TMEM230: variants seen among roughly 807,000 people sequenced by gnomAD.
TMEM230 encodes the protein UPF0414 transmembrane protein C20orf30.
A neutral mutation model predicts 15.8 loss-of-function variants in TMEM230; 10 were observed. The observed-to-expected ratio is 0.63, with a 90% CI of 0.39 to 1.07. The LOEUF (loss-of-function observed/expected upper bound fraction) is 1.07. TMEM230 is among the 50% of genes least tolerant of loss of function. The pLI, the probability that TMEM230 is intolerant of heterozygous loss-of-function variation, is 0.01. For synonymous variants in TMEM230, 67 were observed against 76.9 expected (o/e 0.87, Z 0.68); for missense variants, 165 against 193.3 (o/e 0.85, Z 0.87).
chr20:5,077,308 AAAAACAAAAC>A (rs370223220), intron 3 of TMEM230, among the ~76,000 whole-genome samples: 1 of 152,084 alleles, frequency 6.6e-6, no homozygotes, highest in African/African-American at 2.4e-5. Context: ...ACCCTGTCTC[AAAAACAAAAC>A]AAAACAAAAC....
At chr20:5,106,059 C>T in intron 4 of TMEM230, 129 bp downstream of exon 3, 1 of 1,386,364 alleles carries the variant, frequency 7.2e-7, no homozygotes. Flanking sequence ...TCAAAAAAAA[C>T]AGACCACTGG....
intron 3 of TMEM230, among the ~76,000 whole-genome samples, chr20:5,092,658 T>A (rs905712233): frequency 6.9e-6 from 1 of 145,144 alleles, no homozygotes; most frequent in African/African-American, 2.6e-5. Flanking sequence ...GAGGTTGCAG[T>A]GAGCTGAGAT....
chr20:5,102,159 C>T (rs985624819), intron 4 of TMEM230, among the ~76,000 whole-genome samples: 3 of 152,126 alleles, frequency 2.0e-5, no homozygotes, highest in Non-Finnish European at 4.4e-5. Flanking sequence ...TTTACTGTTG[C>T]TCAAAGGAAG....
chr20:5,067,185 GA>G, downstream of TMEM230: 1 of 151,840 alleles, frequency 6.6e-6, no homozygotes, highest in Non-Finnish European at 1.5e-5. Context: ...GGTGAGGGGG[GA>G]AAACAGGTGG....
chr20:5,067,092 G>T (rs576746887), downstream of TMEM230: 2 of 152,134 alleles, frequency 1.3e-5, no homozygotes, highest in Non-Finnish European at 2.9e-5. Context: ...GTGCATTGAA[G>T]TGCAGATGAT....
chr20:5,079,526 C>G (rs2089114641), intron 3 of TMEM230, among the ~76,000 whole-genome samples: 4 of 152,128 alleles, frequency 2.6e-5, no homozygotes, highest in Admixed American at 2.6e-4. Context: ...CTTGCTCTGT[C>G]ACCGAGGCTG....
intron 1 of TMEM230, chr20:5,111,706 G>T: frequency 2.6e-6 from 2 of 780,834 alleles, no homozygotes; most frequent in Non-Finnish European, 3.1e-6. Context: ...TTTTCTCTGG[G>T]ATGGCATTTT....
intron 3 of TMEM230, among the ~76,000 whole-genome samples, chr20:5,082,239 TC>T (rs2089203119): frequency 2.2e-5 from 1 of 44,482 alleles, no homozygotes; most frequent in South Asian, 2.9e-3. Flanking sequence ...TCTCTTTCTC[TC>T]TCTCTCTCTC....
chr20:5,062,617 G>A, the TMEM230 span, among the ~76,000 whole-genome samples: 1 of 152,008 alleles, frequency 6.6e-6, no homozygotes, highest in East Asian at 1.9e-4. Context: ...CAAAAAATTA[G>A]CTGTGTGTGG....
intron 2 of TMEM230, among the ~76,000 whole-genome samples, chr20:5,110,185 T>C (rs2090256285): frequency 7.7e-6 from 1 of 129,930 alleles, no homozygotes; most frequent in Non-Finnish European, 1.8e-5. Flanking sequence ...GCCTCCCGAG[T>C]AGTTGGGATT....
intron 3 of TMEM230, among the ~76,000 whole-genome samples, chr20:5,072,000 C>T (rs934631106): frequency 3.9e-5 from 6 of 152,070 alleles, no homozygotes; most frequent in African/African-American, 1.2e-4. Flanking sequence ...ATCCACCTGC[C>T]TCAGCCTCCC....
At chr20:5,068,657 C>T (rs1015363124) in exon 4 of TMEM230, 1 of 152,476 alleles carries the variant, frequency 6.6e-6, no homozygotes, top group Non-Finnish European at 1.5e-5. Context: ...ACAGGGATTA[C>T]AATTCAAAGT....
the TMEM230 span, among the ~76,000 whole-genome samples, chr20:5,060,177 G>A: frequency 6.6e-6 from 1 of 152,102 alleles, no homozygotes; most frequent in Non-Finnish European, 1.5e-5. Flanking sequence ...CTCCCACAAT[G>A]CTGGGATTAC....
intron 3 of TMEM230, among the ~76,000 whole-genome samples, chr20:5,089,167 G>C (rs1476116998): frequency 6.6e-6 from 1 of 152,108 alleles, no homozygotes; most frequent in Non-Finnish European, 1.5e-5. Context: ...GAGGTCAGAA[G>C]ATCAAGACCA....
At chr20:5,064,899 G>A (rs1384520538), downstream of TMEM230, among the ~76,000 whole-genome samples, 1 of 151,540 alleles carries the variant, frequency 6.6e-6, no homozygotes, top group African/African-American at 2.4e-5. Flanking sequence ...GGCTAGGCGT[G>A]GTGGCTCATG....
At chr20:5,061,947 G>A in the TMEM230 span, among the ~76,000 whole-genome samples, 6 of 152,162 alleles carry the variant, frequency 3.9e-5, no homozygotes, top group East Asian at 3.9e-4. Context: ...TAGGCCAGGC[G>A]TGGTGGCTCA....
At chr20:5,107,544 AC>A (rs1355747158) in intron 3 of TMEM230, among the ~76,000 whole-genome samples, 2 of 152,228 alleles carry the variant, frequency 1.3e-5, no homozygotes, top group Non-Finnish European at 2.9e-5. Context: ...TAAAACAAAA[AC>A]AGAAATGACT....
At chr20:5,064,100 C>G (rs2088630393), downstream of TMEM230, among the ~76,000 whole-genome samples, 1 of 151,860 alleles carries the variant, frequency 6.6e-6, no homozygotes, top group Non-Finnish European at 1.5e-5. Flanking sequence ...AACCCTGTCT[C>G]TACTAAAAAT....
chr20:5,072,536 T>A (rs561902179), intron 3 of TMEM230, among the ~76,000 whole-genome samples: 1 of 151,758 alleles, frequency 6.6e-6, no homozygotes, highest in Non-Finnish European at 1.5e-5. Flanking sequence ...TATAAGAACA[T>A]GAACTTGAAG....
Sources: allele counts gnomAD v4.1 joint callset (sites outside exome capture counted in the v4.1 genomes callset), GRCh38; gene constraint gnomAD v4.1.1; transcripts MANE v1.5; gene names NCBI Gene and HGNC (gene_info 2026-07-23, HGNC 2026-07-21).